The following RIMS2 variants were observed in gnomAD, a reference collection of about 807,000 sequenced individuals.
RIMS2 encodes the protein regulating synaptic membrane exocytosis protein 2.
A neutral mutation model predicts 174.4 loss-of-function variants in RIMS2; 59 were observed. The ratio of observed to expected loss-of-function variants is 0.34; its 90% CI spans 0.27 to 0.42. RIMS2 has a LOEUF of 0.42. Among genes scored for constraint, RIMS2 ranks in the 10% least tolerant of loss-of-function variants. RIMS2 has a pLI of 1.00. For synonymous variants in RIMS2, 606 were observed against 572.5 expected (o/e 1.06, Z -0.84); for missense variants, 1,620 against 1,666.3 (o/e 0.97, Z 0.48).
At chr8:104,162,495 A>G (rs1373941817) in intron 19 of RIMS2, among the ~76,000 whole-genome samples, 1 of 152,198 alleles carries the variant, frequency 6.6e-6, no homozygotes, top group African/African-American at 2.4e-5. Context: ...CTAAAATCAG[A>G]AAACTAAAAT....
At chr8:103,964,756 A>G (rs545668301) in intron 15 of RIMS2, among the ~76,000 whole-genome samples, 23 of 152,204 alleles carry the variant, frequency 1.5e-4, no homozygotes, top group Non-Finnish European at 2.9e-4. Flanking sequence ...AAGGTTATCT[A>G]TGATTTCTCC....
intron 19 of RIMS2, among the ~76,000 whole-genome samples, chr8:104,104,792 A>G (rs1478442350): frequency 6.6e-6 from 1 of 151,174 alleles, no homozygotes; most frequent in Non-Finnish European, 1.5e-5. Context: ...AGATGGGAGG[A>G]TCCCTTTGGC....
At chr8:104,032,262 C>A (rs1331120480) in intron 19 of RIMS2, among the ~76,000 whole-genome samples, 1 of 151,968 alleles carries the variant, frequency 6.6e-6, no homozygotes, top group African/African-American at 2.4e-5. Flanking sequence ...ATATCACCAA[C>A]CACAAGGAAG....
At chr8:104,210,030 G>GA (rs1248009328) in intron 19 of RIMS2, among the ~76,000 whole-genome samples, 1 of 152,112 alleles carries the variant, frequency 6.6e-6, no homozygotes, top group Non-Finnish European at 1.5e-5. Flanking sequence ...TGCAATGAAA[G>GA]ATTCAGGCAA....
At chr8:103,661,334 A>G (rs931261377) in intron 1 of RIMS2, among the ~76,000 whole-genome samples, 2 of 152,186 alleles carry the variant, frequency 1.3e-5, no homozygotes, top group South Asian at 2.1e-4. Flanking sequence ...GTGCTGCTGT[A>G]TACATTCTGA....
At chr8:104,051,677 A>T (rs186667743) in intron 19 of RIMS2, among the ~76,000 whole-genome samples, 7 of 152,240 alleles carry the variant, frequency 4.6e-5, no homozygotes, top group African/African-American at 7.2e-5. Context: ...TGTGTGTGTG[A>T]GAGAGAGAAA....
chr8:103,975,361 G>A, exon 16 of RIMS2: 1 of 1,610,808 alleles, frequency 6.2e-7, no homozygotes, highest in East Asian at 2.2e-5. Context: ...TTATCGACAT[G>A]ATGGTCGAGA....
At chr8:104,046,880 G>A (rs1263157703) in intron 19 of RIMS2, among the ~76,000 whole-genome samples, 2 of 151,806 alleles carry the variant, frequency 1.3e-5, no homozygotes, top group Admixed American at 1.3e-4. Context: ...TTAAATGTTA[G>A]TATATAGGAA....
chr8:104,080,697 A>T (rs371106284), intron 19 of RIMS2, among the ~76,000 whole-genome samples: 9 of 152,192 alleles, frequency 5.9e-5, no homozygotes, highest in African/African-American at 2.2e-4. Context: ...AAATATATCT[A>T]CAATTTTGTT....
At chr8:104,125,701 C>G (rs974059177) in intron 19 of RIMS2, among the ~76,000 whole-genome samples, 11 of 152,186 alleles carry the variant, frequency 7.2e-5, no homozygotes, top group Middle Eastern at 3.4e-3. Context: ...ATCAGTAAAT[C>G]AGGTGTCTCC....
chr8:103,766,074 A>G lies in RIMS2; in HGVS notation c.388-153A>G, dbSNP rs145640017. Among the ~76,000 whole-genome samples the G allele has an allele frequency of 7.2e-4, 109 of 152,286 alleles. No individual in the cohort carries two copies. The East Asian group carries it at 0.014, about 20-fold the overall frequency. On this transcript the variant is annotated intron_variant, in intron 2 of 23. Transcript: ENST00000504942. ...TCAGAAAAATTAAAAGAAAGTATAT[A>G]TTATTTAATTTACAGTAGCAGTGAA...
chr8:103,731,125 C>A (rs2097587036), intron 2 of RIMS2, among the ~76,000 whole-genome samples: 1 of 152,136 alleles, frequency 6.6e-6, no homozygotes, highest in South Asian at 2.1e-4. Flanking sequence ...ATTCAATTAC[C>A]TCCCACAGGG....
At chr8:103,932,410 A>T (rs2080168166) in intron 12 of RIMS2, among the ~76,000 whole-genome samples, 1 of 152,240 alleles carries the variant, frequency 6.6e-6, no homozygotes, top group Non-Finnish European at 1.5e-5. Context: ...TTTGAAGTCA[A>T]AGCTGTATAT....
chr8:103,520,323 G>A (rs1563620599), intron 1 of RIMS2, among the ~76,000 whole-genome samples: 2 of 152,064 alleles, frequency 1.3e-5, no homozygotes, highest in Non-Finnish European at 2.9e-5. Flanking sequence ...AGATTCATTT[G>A]TTTACATGAA....
At chr8:104,054,035 G>A (rs1349768652) in intron 19 of RIMS2, among the ~76,000 whole-genome samples, 1 of 152,014 alleles carries the variant, frequency 6.6e-6, no homozygotes, top group East Asian at 1.9e-4. Flanking sequence ...TTTCACACAA[G>A]GGCATTTGAA....
At chr8:103,554,262 A>C (rs1849417513) in intron 1 of RIMS2, among the ~76,000 whole-genome samples, 1 of 152,178 alleles carries the variant, frequency 6.6e-6, no homozygotes, top group South Asian at 2.1e-4. Context: ...CAACCTACAG[A>C]ATGGGAGAAA....
chr8:103,973,741 G>A (rs2154548188), intron 15 of RIMS2, among the ~76,000 whole-genome samples: 1 of 152,280 alleles, frequency 6.6e-6, no homozygotes, highest in Admixed American at 6.5e-5. Context: ...TATTTCTCTG[G>A]TTTGCTGCAT....
intron 19 of RIMS2, among the ~76,000 whole-genome samples, chr8:104,215,616 A>T (rs1328386988): frequency 6.6e-6 from 1 of 152,194 alleles, no homozygotes; most frequent in Non-Finnish European, 1.5e-5. Context: ...TTGCTAGGTG[A>T]TGTTCATCTG....
intron 3 of RIMS2, among the ~76,000 whole-genome samples, chr8:103,819,865 A>G (rs1198637164): frequency 6.6e-6 from 1 of 152,182 alleles, no homozygotes; most frequent in African/African-American, 2.4e-5. Flanking sequence ...CGTAATACAG[A>G]TATCAGGCTG....
Sources: allele counts gnomAD v4.1 joint callset (sites outside exome capture counted in the v4.1 genomes callset), GRCh38; gene constraint gnomAD v4.1.1; transcripts MANE v1.5; gene names NCBI Gene and HGNC (gene_info 2026-07-23, HGNC 2026-07-21).